The following CDH23 variants were observed in gnomAD, a reference collection of about 807,000 sequenced individuals.
CDH23 encodes cadherin related 23.
In CDH23, 189 loss-of-function variants were observed where a neutral mutation model predicts 317.1. The ratio of observed to expected loss-of-function variants is 0.60; its 90% CI spans 0.53 to 0.67. CDH23 has a LOEUF of 0.67. Among genes scored for constraint, CDH23 ranks in the 30% least tolerant of loss-of-function variants. The pLI is 0.00. For synonymous variants in CDH23, 1,839 were observed against 1,876.8 expected, an observed-to-expected ratio of 0.98 and a Z score of 0.52; for missense variants, 4,401 against 4,592.4, an observed-to-expected ratio of 0.96 and a Z score of 1.20.
chr10:71,566,701 G>T, intron 6 of CDH23, 41 bp from the exon 7 acceptor site: 1 of 1,531,834 alleles, frequency 6.5e-7, no homozygotes, highest in Non-Finnish European at 8.8e-7. Flanking sequence ...CAGCTGCTCC[G>T]CACTGGCTCA....
chr10:71,442,247 G>A (rs76626120), intron 2 of CDH23, among the ~76,000 whole-genome samples: 2,969 of 152,256 alleles, frequency 0.02, 90 homozygotes, highest in African/African-American at 0.067. Context: ...TTTGCCATAC[G>A]CACAAGGGTC....
intron 9 of CDH23, among the ~76,000 whole-genome samples, chr10:71,582,412 A>G (rs941147832): frequency 6.6e-6 from 1 of 152,244 alleles, no homozygotes; most frequent in African/African-American, 2.4e-5. Flanking sequence ...TGTTGAAATG[A>G]TAATATTTTG....
chr10:71,726,951 G>T (rs1243408453), intron 30 of CDH23, among the ~76,000 whole-genome samples: 1 of 152,164 alleles, frequency 6.6e-6, no homozygotes, highest in Admixed American at 6.5e-5. Flanking sequence ...GCATCCCAGG[G>T]TACAGTGTAA....
chr10:71,712,809 T>C lies in CDH23; in HGVS notation c.3365T>C (p.Leu1122Ser). 1 of 1,611,338 alleles carries C rather than the reference T, an allele frequency of 6.2e-7. No homozygotes were observed. Among genetic ancestry groups the C allele is most frequent in the Non-Finnish European group, 8.5e-7 (1 of 1,179,086 alleles). ...GACATCCCTGAAGGCCACAGCATCT[T>C]GCAGGCAGGTGGCCCGTGGCCTCTG... ...PEDIPEGHSI[L>S]QLKATDADEG... Residue 1122 changes from leucine to serine, a missense_variant, in exon 28 of 70, where the codon TTG (leucine) becomes TCG (serine). Physicochemically the swap from Leu to Ser is moderately radical, Grantham distance 145. This residue lies in a region of CDH23 where 3,068 missense variants were observed against 3,203.3 expected (regional missense o/e 0.96). Transcript: ENST00000224721.
intron 14 of CDH23, among the ~76,000 whole-genome samples, chr10:71,673,279 G>T (rs1159406565): frequency 6.6e-6 from 1 of 152,214 alleles, no homozygotes; most frequent in African/African-American, 2.4e-5. Context: ...GGCCAAGGAG[G>T]TATGGTTTGG....
intron 9 of CDH23, among the ~76,000 whole-genome samples, chr10:71,596,115 A>G (rs892474834): frequency 1.3e-5 from 2 of 151,904 alleles, no homozygotes; most frequent in Admixed American, 1.3e-4. Flanking sequence ...TGGGAGGCAC[A>G]CACCTCAGCA....
At chr10:71,746,147 T>C (rs1471818173) in intron 38 of CDH23, among the ~76,000 whole-genome samples, 1 of 152,198 alleles carries the variant, frequency 6.6e-6, no homozygotes, top group African/African-American at 2.4e-5. Context: ...GCACATGTAC[T>C]GGAGAGCTGA....
At chr10:71,536,352 G>A (rs1352478328) in intron 6 of CDH23, among the ~76,000 whole-genome samples, 1 of 152,248 alleles carries the variant, frequency 6.6e-6, no homozygotes, top group Admixed American at 6.5e-5. Flanking sequence ...TAGTGAGGAG[G>A]AGGCTGGTTC....
chr10:71,807,224 G>A, intron 57 of CDH23, 53 bp from the exon 58 acceptor site: 2 of 1,597,972 alleles, frequency 1.3e-6, no homozygotes, highest in Admixed American at 1.7e-5. Context: ...ACAGGGACTG[G>A]AAGCTCGGGT....
chr10:71,811,444 C>T lies in CDH23; in HGVS notation c.9198+9C>T, dbSNP rs546397918. 92 of 1,613,854 alleles carry T rather than the reference C, an allele frequency of 5.7e-5. 2 individuals are homozygous for T. The South Asian group carries it at 8.3e-4, about 15-fold the overall frequency. On this transcript the variant is annotated intron_variant, in intron 63 of 69. Transcript: ENST00000224721. The stretch of plus-strand genomic sequence containing the variant: ...ACATGTCTGCCCTGCAGGTACCCGG[C>T]GACCGTGCCCCACAGCCCTAGCCGC...
intron 9 of CDH23, among the ~76,000 whole-genome samples, chr10:71,579,024 C>A (rs911933334): frequency 1.3e-5 from 2 of 152,176 alleles, no homozygotes; most frequent in African/African-American, 4.8e-5. Context: ...TTTGCCTGTA[C>A]CTCCATAAAA....
chr10:71,784,157 G>A, intron 41 of CDH23, 130 bp from the exon 42 acceptor site: 5 of 910,940 alleles, frequency 5.5e-6, no homozygotes, highest in African/African-American at 1.7e-5. Flanking sequence ...GGGGTCACTG[G>A]AGGACCCGGG....
At position 71,793,382 on chromosome 10, in the gene CDH23, G is replaced by A. The variant is rs369493909; in HGVS notation, c.6454G>A (p.Val2152Ile). The change falls in exon 48 of 70, where the codon GTT becomes ATT. Residue 2152 changes from valine (V) to isoleucine (I), a missense_variant. Val to Ile is a conservative substitution (Grantham distance 29). This residue lies in a region of CDH23 where 3,068 missense variants were observed against 3,203.3 expected (regional missense o/e 0.96). Coordinates refer to ENST00000224721, the MANE Select transcript of CDH23 (RefSeq NM_022124.6). ...LTVVATDRGT[V>I]PLSGTAIVTI... ...GGTGGTGGCCACCGACCGGGGCACC[G>A]TTCCTCTCTCGGGCACAGCCATTGT... 5.6e-6 allele frequency: 9 copies of A among 1,613,858 alleles called. No homozygotes were observed. Among genetic ancestry groups the A allele is most frequent in the African/African-American group, 5.3e-5 (4 of 74,912 alleles).
At chr10:71,772,736 C>T (rs1337711844) in intron 38 of CDH23, among the ~76,000 whole-genome samples, 1 of 152,198 alleles carries the variant, frequency 6.6e-6, no homozygotes, top group Non-Finnish European at 1.5e-5. Context: ...TGAGTGGCAG[C>T]CTTGCTAGGA....
At chr10:71,746,351 G>A (rs567336120) in intron 38 of CDH23, among the ~76,000 whole-genome samples, 1 of 152,000 alleles carries the variant, frequency 6.6e-6, no homozygotes, top group Non-Finnish European at 1.5e-5. Flanking sequence ...TGAGACCCTC[G>A]TCCCCCCAGG....
chr10:71,501,040 G>T (rs1158213853), intron 3 of CDH23, among the ~76,000 whole-genome samples: 3 of 151,822 alleles, frequency 2.0e-5, no homozygotes. Context: ...GCTAACTTTT[G>T]TATTTTTAGT....
At chr10:71,542,246 G>T (rs537092406) in intron 6 of CDH23, among the ~76,000 whole-genome samples, 12 of 152,306 alleles carry the variant, frequency 7.9e-5, no homozygotes, top group Admixed American at 7.2e-4. Flanking sequence ...TCACAGCCTG[G>T]GGTTGGATCC....
rs181469803 is a variant in CDH23, at chr10:71,697,782, G to C, written c.2397+2257G>C. Among the ~76,000 whole-genome samples the C allele has an allele frequency of 3.9e-5, 6 of 152,246 alleles. No individual in the cohort carries two copies. In the East Asian group the frequency reaches 1.2e-3, roughly 29 times the overall value. ...ACCCTGTGCAAAAGCCAGAGCCCTT[G>C]CCAGACCTACAAAACCCGCAGGGTC... On this transcript the variant is annotated intron_variant, in intron 22 of 69. Transcript: ENST00000224721.
At chr10:71,500,147 A>G (rs1196667335) in intron 3 of CDH23, among the ~76,000 whole-genome samples, 2 of 152,208 alleles carry the variant, frequency 1.3e-5, no homozygotes, top group Non-Finnish European at 2.9e-5. Flanking sequence ...CAAAGAAATG[A>G]TAAGTGTTTG....
Sources: allele counts gnomAD v4.1 joint callset (sites outside exome capture counted in the v4.1 genomes callset), GRCh38; gene constraint gnomAD v4.1.1; regional missense constraint gnomAD v4.1.1; transcripts MANE v1.5; gene names NCBI Gene and HGNC (gene_info 2026-07-23, HGNC 2026-07-21).